The following LUZP1 variants were observed in gnomAD, a reference collection of about 807,000 sequenced individuals.
LUZP1 encodes filamin mechanobinding actin cross-linking protein.
In LUZP1, 25 loss-of-function variants were observed where a neutral mutation model predicts 71.3. The observed-to-expected ratio is 0.35, with a 90% CI of 0.26 to 0.49. The LOEUF is 0.49. Among genes scored for constraint, LUZP1 ranks in the 20% least tolerant of loss-of-function variants. LUZP1 has a pLI of 0.99. For missense variants in LUZP1, 1,142 were observed against 1,300.8 expected (o/e 0.88, Z 1.88); for synonymous variants, 481 against 506.4 (o/e 0.95, Z 0.67).
intron 1 of LUZP1, among the ~76,000 whole-genome samples, chr1:23,175,139 G>T (rs552927733): frequency 2.0e-5 from 3 of 152,132 alleles, no homozygotes; most frequent in Non-Finnish European, 4.4e-5. Context: ...CTCAGACAGG[G>T]AAAGTCACTT....
intron 3 of LUZP1, among the ~76,000 whole-genome samples, chr1:23,104,590 A>G (rs141188764): frequency 1.3e-5 from 2 of 152,292 alleles, no homozygotes; most frequent in East Asian, 1.9e-4. Context: ...TTCTATCACT[A>G]TATCCATGAT....
intron 1 of LUZP1, among the ~76,000 whole-genome samples, chr1:23,171,161 A>C (rs887029610): frequency 2.7e-5 from 4 of 150,870 alleles, no homozygotes; most frequent in Admixed American, 2.0e-4. Flanking sequence ...TATAACTACT[A>C]TAATCAGTAT....
intron 2 of LUZP1, chr1:23,141,259 T>G (rs531388119): frequency 6.6e-6 from 1 of 152,368 alleles, no homozygotes; most frequent in Non-Finnish European, 1.5e-5. Flanking sequence ...CTGCTTTGAG[T>G]TCAGGGGAGC....
chr1:23,101,077 A>C (rs995715027), intron 3 of LUZP1, among the ~76,000 whole-genome samples: 1 of 152,232 alleles, frequency 6.6e-6, no homozygotes, highest in Non-Finnish European at 1.5e-5. Flanking sequence ...CAATGACAAA[A>C]GAGTATAAAG....
In LUZP1 at chr1:23,167,330, A is replaced by C. The variant is rs1644517357; in HGVS notation, c.-226+1436T>G. Among the ~76,000 whole-genome samples the C allele has an allele frequency of 2.0e-5, 3 of 152,168 alleles. No homozygotes were observed. The South Asian group carries it at 6.2e-4, about 31-fold the overall frequency. On this transcript the variant is annotated intron_variant, in intron 2 of 4. Transcript: ENST00000302291. The stretch of plus-strand genomic sequence containing the variant: ...TTAGGCCAGAACTGCAGCCGTCTGT[A>C]AAAGAAATACCCTGAGCAAACCCCA...
At chr1:23,134,133 A>C (rs1557668027) in intron 2 of LUZP1, among the ~76,000 whole-genome samples, 1 of 152,178 alleles carries the variant, frequency 6.6e-6, no homozygotes, top group Non-Finnish European at 1.5e-5. Context: ...CACAAACCTG[A>C]AAATAGTATC....
intron 2 of LUZP1, among the ~76,000 whole-genome samples, chr1:23,126,786 T>C (rs953983888): frequency 6.6e-6 from 1 of 152,234 alleles, no homozygotes; most frequent in Non-Finnish European, 1.5e-5. Flanking sequence ...GGAAAGTGAA[T>C]ATAGGTACCA....
chr1:23,173,820 C>G (rs1048074865), intron 1 of LUZP1, among the ~76,000 whole-genome samples: 1 of 152,126 alleles, frequency 6.6e-6, no homozygotes, highest in Admixed American at 6.6e-5. Flanking sequence ...TCTCCTCCTT[C>G]GTGGGGTTCC....
At chr1:23,091,595 C>T (rs750296079) in exon 4 of LUZP1, 12 of 1,614,050 alleles carry the variant, frequency 7.4e-6, no homozygotes, top group Non-Finnish European at 1.0e-5. Context: ...CATGGCTATT[C>T]CTCTCCACAG....
In LUZP1 at chr1:23,093,486, C is replaced by T. The variant is rs769615018; in HGVS notation, c.776G>A (p.Gly259Asp). Residue 259 changes from glycine to aspartate, a missense_variant, in exon 4 of 5, where the codon GGT (glycine) becomes GAT (aspartate). Physicochemically the swap from Gly to Asp is moderately conservative, Grantham distance 94. Coordinates refer to ENST00000302291, the Ensembl canonical transcript of LUZP1. This position sits in a 1 kb window ranked among gnomAD's most constrained non-coding sequence, Gnocchi z 4.2. Reference sequence around the variant, plus strand: ...TACCTGCTTTAGGTAGTCCAGACCACCCTTCCTTCTTGATTCTTTGGACGG... The same window carrying T: ...TACCTGCTTTAGGTAGTCCAGACCATCCTTCCTTCTTGATTCTTTGGACGG... 7.4e-6 allele frequency: 12 copies of T among 1,612,436 alleles called. No homozygotes were observed. The South Asian group carries it at 1.1e-4, about 15-fold the overall frequency.
chr1:23,136,767 A>G (rs1232344099), intron 2 of LUZP1, among the ~76,000 whole-genome samples: 6 of 152,132 alleles, frequency 3.9e-5, no homozygotes, highest in Non-Finnish European at 8.8e-5. Flanking sequence ...AATACAAAAA[A>G]GTAGCCGGGC....
chr1:23,126,806 G>A (rs1275131628), intron 2 of LUZP1, among the ~76,000 whole-genome samples: 1 of 152,196 alleles, frequency 6.6e-6, no homozygotes, highest in Non-Finnish European at 1.5e-5. Flanking sequence ...AGCCCAGAGA[G>A]GCTCTCTGCT....
At chr1:23,092,925 T>G in exon 4 of LUZP1, 5 of 1,613,912 alleles carry the variant, frequency 3.1e-6, no homozygotes, top group Non-Finnish European at 4.2e-6. Flanking sequence ...CTTTGTCTCC[T>G]GAGTCCCACT....
intron 2 of LUZP1, chr1:23,109,525 G>A (rs1197904049): frequency 6.6e-6 from 1 of 152,222 alleles, no homozygotes; most frequent in Non-Finnish European, 1.5e-5. Flanking sequence ...AATTCAAAAT[G>A]CTCCAAAATC....
At chr1:23,098,539 C>T (rs563745243) in intron 3 of LUZP1, among the ~76,000 whole-genome samples, 1 of 152,130 alleles carries the variant, frequency 6.6e-6, no homozygotes, top group Non-Finnish European at 1.5e-5. Context: ...GGGTCACCAG[C>T]ATGTAAGCGC....
At chr1:23,163,177 T>C (rs1644482305) in intron 2 of LUZP1, among the ~76,000 whole-genome samples, 1 of 143,056 alleles carries the variant, frequency 7.0e-6, no homozygotes, top group Non-Finnish European at 1.5e-5. Flanking sequence ...GAGGTGGAAG[T>C]TGCAATGAGC....
intron 2 of LUZP1, among the ~76,000 whole-genome samples, chr1:23,125,645 T>C (rs529543835): frequency 1.1e-4 from 16 of 152,308 alleles, no homozygotes; most frequent in African/African-American, 3.4e-4. Context: ...ATGTGGCTAA[T>C]AGTGAAAACA....
At chr1:23,167,324 G>A (rs966543039) in intron 2 of LUZP1, among the ~76,000 whole-genome samples, 3 of 152,128 alleles carry the variant, frequency 2.0e-5, no homozygotes, top group Non-Finnish European at 4.4e-5. Context: ...AACTGCAGCC[G>A]TCTGTAAAAG....
intron 2 of LUZP1, among the ~76,000 whole-genome samples, chr1:23,140,075 T>G (rs993909911): frequency 1.3e-5 from 2 of 152,062 alleles, no homozygotes; most frequent in African/African-American, 2.4e-5. Context: ...ATTTTCAAGT[T>G]GAGGGACCAC....
Sources: allele counts gnomAD v4.1 joint callset (sites outside exome capture counted in the v4.1 genomes callset), GRCh38; gene constraint gnomAD v4.1.1; non-coding constraint Gnocchi (gnomAD v3.1); transcripts MANE v1.5; gene names NCBI Gene and HGNC (gene_info 2026-07-23, HGNC 2026-07-21).